The following CHODL variants were observed in gnomAD, a reference collection of about 807,000 sequenced individuals.
CHODL encodes transmembrane protein MT75.
CHODL carries 29 observed loss-of-function variants against 34.5 expected under a neutral mutation model. The ratio of observed to expected loss-of-function variants is 0.84; its 90% CI spans 0.63 to 1.15. The LOEUF is 1.15. Ranked by LOEUF, CHODL falls within the 50% of genes most tolerant of loss-of-function variation. CHODL has a pLI of 0.00. For missense variants in CHODL, 332 were observed against 332.5 expected (o/e 1.00, Z 0.01); for synonymous variants, 125 against 116.1 (o/e 1.08, Z -0.49).
At chr21:18,228,160 A>T (rs2073947867) in intron 2 of CHODL, among the ~76,000 whole-genome samples, 1 of 152,154 alleles carries the variant, frequency 6.6e-6, no homozygotes, top group South Asian at 2.1e-4. Context: ...CACACTAAAA[A>T]TTAATTAATT....
At chr21:17,939,429 A>T (rs1179474398) in intron 1 of CHODL, among the ~76,000 whole-genome samples, 1 of 152,214 alleles carries the variant, frequency 6.6e-6, no homozygotes, top group Admixed American at 6.5e-5. Context: ...TTAAAGCTAA[A>T]CAGTATTGCA....
At chr21:17,929,310 A>G (rs185661190) in intron 1 of CHODL, among the ~76,000 whole-genome samples, 63 of 152,372 alleles carry the variant, frequency 4.1e-4, no homozygotes, top group Non-Finnish European at 7.9e-4. Flanking sequence ...TTGCAAATTT[A>G]CCATTTTAAT....
intron 2 of CHODL, among the ~76,000 whole-genome samples, chr21:18,172,929 A>G (rs2073249788): frequency 6.6e-6 from 1 of 152,138 alleles, no homozygotes; most frequent in Admixed American, 6.5e-5. Context: ...TCCTCTCCCA[A>G]GCCCATTCAG....
intron 1 of CHODL, among the ~76,000 whole-genome samples, chr21:18,252,184 C>T (rs2074265261): frequency 6.6e-6 from 1 of 151,990 alleles, no homozygotes; most frequent in Non-Finnish European, 1.5e-5. Flanking sequence ...TGCTAGTTGA[C>T]ATTTAGTAAT....
intron 2 of CHODL, among the ~76,000 whole-genome samples, chr21:18,164,674 C>T (rs527763342): frequency 6.8e-4 from 50 of 73,884 alleles, no homozygotes; most frequent in Non-Finnish European, 1.4e-3. Context: ...TGTCATTAGC[C>T]CTGGTCATTT....
chr21:17,979,896 G>A (rs138148831), intron 1 of CHODL, among the ~76,000 whole-genome samples: 18 of 152,270 alleles, frequency 1.2e-4, no homozygotes, highest in African/African-American at 4.1e-4. Context: ...AAGAATCCAA[G>A]TAGTTCAAGG....
intron 1 of CHODL, among the ~76,000 whole-genome samples, chr21:17,998,943 C>T (rs142255651): frequency 4.4e-4 from 67 of 152,288 alleles, no homozygotes; most frequent in Non-Finnish European, 7.1e-4. Context: ...TTTCTGCAGC[C>T]GGCTTGAATT....
chr21:18,206,863 CATT>C (rs138294885), intron 2 of CHODL, among the ~76,000 whole-genome samples: 18,950 of 145,902 alleles, frequency 0.13, 2,030 homozygotes, highest in African/African-American at 0.3. Context: ...TCTTATAACC[CATT>C]ATTATTATTA....
At position 17,934,752 on chromosome 21, in the gene CHODL, AT is replaced by A. The variant is rs370256650; in HGVS notation, c.-145+17358del. ...TTCCTCCCATCATCCTAAATATCTTATTTTTTATTATAAATAGACAAATTTA... is the reference window on the plus strand; with the variant it reads ...TTCCTCCCATCATCCTAAATATCTTATTTTTATTATAAATAGACAAATTTA... On this transcript the variant is annotated intron_variant, in intron 1 of 6. Transcript: ENST00000400127. Among the ~76,000 whole-genome samples, 16 of 152,102 alleles carry A rather than the reference AT, an allele frequency of 1.1e-4. No individual in the cohort carries two copies. In the East Asian group the frequency reaches 3.1e-3, roughly 29 times the overall value.
chr21:18,173,829 G>A (rs2073260259), intron 2 of CHODL, among the ~76,000 whole-genome samples: 3 of 151,376 alleles, frequency 2.0e-5, no homozygotes, highest in Admixed American at 2.0e-4. Flanking sequence ...AGCTTCACAG[G>A]ATAAAGGTAT....
chr21:18,170,887 G>C (rs2146658267), intron 2 of CHODL, among the ~76,000 whole-genome samples: 1 of 152,070 alleles, frequency 6.6e-6, no homozygotes, highest in East Asian at 1.9e-4. Context: ...ATTTGGATTT[G>C]AGTTATTGTT....
chr21:18,087,162 G>C (rs949654741), intron 2 of CHODL, among the ~76,000 whole-genome samples: 23 of 152,122 alleles, frequency 1.5e-4, no homozygotes, highest in African/African-American at 5.3e-4. Context: ...AATGGTGCCA[G>C]TCATGGACTT....
intron 1 of CHODL, among the ~76,000 whole-genome samples, chr21:17,925,958 C>T (rs1204664398): frequency 1.3e-5 from 2 of 152,146 alleles, no homozygotes; most frequent in African/African-American, 4.8e-5. Flanking sequence ...GTTTAATAGA[C>T]AATTAGTATT....
At chr21:18,108,849 G>C (rs950648676) in intron 2 of CHODL, among the ~76,000 whole-genome samples, 28 of 151,302 alleles carry the variant, frequency 1.9e-4, no homozygotes, top group Middle Eastern at 3.2e-3. Flanking sequence ...GTGTGTGTGT[G>C]TGTGTGTGTG....
intron 2 of CHODL, among the ~76,000 whole-genome samples, chr21:18,059,594 C>A (rs527747955): frequency 6.6e-6 from 1 of 151,666 alleles, no homozygotes; most frequent in East Asian, 2.0e-4. Context: ...ATCAACCCAT[C>A]ACCTTGGTAT....
intron 1 of CHODL, among the ~76,000 whole-genome samples, chr21:17,925,700 G>T (rs1035378875): frequency 4.5e-4 from 68 of 152,110 alleles, no homozygotes; most frequent in African/African-American, 1.6e-3. Context: ...AATAGATTTG[G>T]ATGATTCCTA....
intron 2 of CHODL, among the ~76,000 whole-genome samples, chr21:18,168,547 T>G (rs2073185660): frequency 6.6e-6 from 1 of 152,222 alleles, no homozygotes; most frequent in South Asian, 2.1e-4. Context: ...TCTTATCTTG[T>G]GCCTATTGGC....
chr21:17,967,915 G>A (rs771471087), intron 1 of CHODL, among the ~76,000 whole-genome samples: 10 of 152,062 alleles, frequency 6.6e-5, no homozygotes, highest in Admixed American at 1.3e-4. Flanking sequence ...TTGATACGTC[G>A]GATGGTCACT....
intron 2 of CHODL, among the ~76,000 whole-genome samples, chr21:18,140,003 C>A (rs1601058613): frequency 6.6e-6 from 1 of 152,262 alleles, no homozygotes; most frequent in Admixed American, 6.5e-5. Context: ...ACTTCCTGTT[C>A]CTTATCTTAT....
Sources: allele counts gnomAD v4.1 joint callset (sites outside exome capture counted in the v4.1 genomes callset), GRCh38; gene constraint gnomAD v4.1.1; transcripts MANE v1.5; gene names NCBI Gene and HGNC (gene_info 2026-07-23, HGNC 2026-07-21).